CCDC185: variants seen among roughly 807,000 people sequenced by gnomAD.
The protein encoded by CCDC185 is coiled-coil domain containing 185.
For synonymous variants in CCDC185, 381 were observed against 348.1 expected (o/e 1.09, Z -1.05); for missense variants, 982 against 825.3 (o/e 1.19, Z -2.33).
chr1:223,393,590 G>A lies in CCDC185; in HGVS notation c.115G>A (p.Asp39Asn). Residue 39 changes from aspartate (D) to asparagine (N), a missense_variant, in exon 1 of 1, where the codon GAC becomes AAC. Transcript: ENST00000366875. The surrounding 1 kb of genome is among the most constrained non-coding windows in gnomAD (Gnocchi z 4.8). ...QRLGGQRSGADSTACSRAGTP... is the reference protein window; with the variant it reads ...QRLGGQRSGANSTACSRAGTP... ...GCTGGGCGGGCAGAGGTCCGGAGCC[G>A]ACTCCACCGCGTGCTCCCGGGCCGG... The A allele has an allele frequency of 3.9e-6, 6 of 1,531,558 alleles. No individual in the cohort carries two copies. Among genetic ancestry groups the A allele is most frequent in the South Asian group, 1.3e-5 (1 of 79,524 alleles). 94.9% of individuals were successfully genotyped at this position (1,531,558 alleles called of 1,614,324 possible). A position where few individuals can be genotyped will look rare whatever the true frequency, so the allele number is the denominator to read the frequency against.
chr1:223,393,952 C>G lies in CCDC185; in HGVS notation c.477C>G (p.Gly159=). The change falls in exon 1 of 1, where the codon GGC becomes GGG. Residue 159 remains glycine, a synonymous_variant. Coordinates refer to ENST00000366875, the MANE Select transcript of CCDC185 (RefSeq NM_152610.3). The surrounding 1 kb of genome is among the most constrained non-coding windows in gnomAD (Gnocchi z 4.8). Reference sequence around the variant, plus strand: ...GAGGAGCTGGCACTCCCCTGAGTGGCACATTCAGGGTAGAAAAGGCACAGG... The same window carrying G: ...GAGGAGCTGGCACTCCCCTGAGTGGGACATTCAGGGTAGAAAAGGCACAGG... The part of the protein sequence containing the change: ...CPGGAGTPLS[G]TFRVEKAQGG... 11 of 1,613,716 alleles carry G rather than the reference C, an allele frequency of 6.8e-6. No individual in the cohort carries two copies. Among genetic ancestry groups the G allele is most frequent in the South Asian group, 1.1e-5 (1 of 91,022 alleles).
Position 223,394,824 on chromosome 1 carries a change from T to G in CCDC185, c.1349T>G (p.Leu450Arg), listed in dbSNP as rs747778021. The part of the protein sequence containing the change: ...QAKAEELLRQ[L>R]SLEQSFQRSQ... Reference sequence around the variant, plus strand: ...AAGGCTGAGGAGCTCCTTAGGCAGCTGTCCCTGGAACAAAGTTTCCAGCGG... The same window carrying G: ...AAGGCTGAGGAGCTCCTTAGGCAGCGGTCCCTGGAACAAAGTTTCCAGCGG... Residue 450 changes from leucine to arginine, a missense_variant, in exon 1 of 1, where the codon CTG becomes CGG. Coordinates refer to ENST00000366875, the MANE Select transcript of CCDC185 (RefSeq NM_152610.3). 1.9e-5 allele frequency: 31 copies of G among 1,613,728 alleles called. No homozygotes were observed. The South Asian group carries it at 3.3e-4, about 17-fold the overall frequency.
At position 223,394,669 on chromosome 1, in the gene CCDC185, G is replaced by A. The variant is rs763243788; in HGVS notation, c.1194G>A (p.Gln398=). ...GGGAGCAGCACAGCCTGCAGCTGCA[G>A]AGGAGGCTGGTGGAAGCCTGTCGCA... ...NLREQHSLQL[Q]RRLVEACRKR... The change falls in exon 1 of 1, where the codon CAG becomes CAA. Residue 398 remains glutamine (Q), a synonymous_variant. Coordinates refer to ENST00000366875, the MANE Select transcript of CCDC185 (RefSeq NM_152610.3). 1.9e-6 allele frequency: 3 copies of A among 1,613,068 alleles called. No individual in the cohort carries two copies. In the South Asian group the frequency reaches 3.3e-5, roughly 18 times the overall value.
Position 223,394,051 on chromosome 1 carries a change from G to T in CCDC185, c.576G>T (p.Arg192=). 6.2e-7 allele frequency: 1 copy of T among 1,614,174 alleles called. No individual in the cohort carries two copies. Among genetic ancestry groups the T allele is most frequent in the Non-Finnish European group, 8.5e-7 (1 of 1,180,048 alleles). ...RWSPSSVPSE[R]SSVPSQKFKR... ...CCCCTTCCTCAGTTCCCTCGGAGCGGTCTTCTGTGCCCTCGCAAAAGTTCA... is the reference window on the plus strand; with the variant it reads ...CCCCTTCCTCAGTTCCCTCGGAGCGTTCTTCTGTGCCCTCGCAAAAGTTCA... The change falls in exon 1 of 1, where the codon CGG becomes CGT. Residue 192 remains arginine (R), a synonymous_variant. Coordinates refer to ENST00000366875, the MANE Select transcript of CCDC185 (RefSeq NM_152610.3).
chr1:223,395,073 G>C lies in CCDC185; in HGVS notation c.1598G>C (p.Arg533Pro), dbSNP rs374524825. The change falls in exon 1 of 1, where the codon CGG becomes CCG. Residue 533 changes from arginine to proline, a missense_variant. By Grantham distance (103) the Arg-to-Pro change is moderately radical (BLOSUM62 -2). Coordinates refer to ENST00000366875, the MANE Select transcript of CCDC185 (RefSeq NM_152610.3). Reference sequence around the variant, plus strand: ...ACTAGGGACAAGGTGCAGCACCTCCGGGAGCTCAACCACCTGAGGGAGAAA... The same window carrying C: ...ACTAGGGACAAGGTGCAGCACCTCCCGGAGCTCAACCACCTGAGGGAGAAA... ...KTTRDKVQHLRELNHLREKNH... is the reference protein window; with the variant it reads ...KTTRDKVQHLPELNHLREKNH... 3 of 1,614,044 alleles carry C rather than the reference G, an allele frequency of 1.9e-6. No individual in the cohort carries two copies. The highest frequency in any genetic ancestry group is 2.5e-6 in the Non-Finnish European group (3 of 1,180,036).
In CCDC185 at chr1:223,394,253, G is replaced by A; in HGVS notation, c.778G>A (p.Val260Met). The change falls in exon 1 of 1, where the codon GTG becomes ATG. Residue 260 changes from valine to methionine, a missense_variant. Physicochemically the swap from Val to Met is conservative, Grantham distance 21. Coordinates refer to ENST00000366875, the MANE Select transcript of CCDC185 (RefSeq NM_152610.3). ...GGTGTCCTCCCAGGACCAGCAGATT[G>A]TGGCCCTGGTGCTGACCCGTCTCAA... ...VVVSSQDQQIVALVLTRLKKA... is the reference protein window; with the variant it reads ...VVVSSQDQQIMALVLTRLKKA... 6.2e-7 allele frequency: 1 copy of A among 1,613,906 alleles called. No homozygotes were observed. Among genetic ancestry groups the A allele is most frequent in the Middle Eastern group, 1.6e-4 (1 of 6,062 alleles).
Position 223,394,431 on chromosome 1 carries a change from G to A in CCDC185, c.956G>A (p.Arg319His), listed in dbSNP as rs753568204. ...SQEQWQEKEQ[R>H]KTLQSPEQRG... is the part of the protein sequence containing the mutation. The stretch of plus-strand genomic sequence containing the variant: ...GAGCAGTGGCAGGAGAAGGAGCAGC[G>A]CAAGACCCTCCAGAGCCCTGAGCAG... Residue 319 changes from arginine to histidine, a missense_variant, in exon 1 of 1, where the codon CGC becomes CAC. Arg to His is a conservative substitution (Grantham distance 29). Coordinates refer to ENST00000366875, the MANE Select transcript of CCDC185 (RefSeq NM_152610.3). 127 of 1,567,634 alleles carry A rather than the reference G, an allele frequency of 8.1e-5. No individual in the cohort carries two copies. The highest frequency in any genetic ancestry group is 5.1e-4 in the Admixed American group (27 of 52,464).
Position 223,393,832 on chromosome 1 carries a change from G to T in CCDC185, c.357G>T (p.Pro119=). 2.5e-6 allele frequency: 4 copies of T among 1,596,508 alleles called. No homozygotes were observed. Among genetic ancestry groups the T allele is most frequent in the Non-Finnish European group, 3.4e-6 (4 of 1,172,700 alleles). Residue 119 remains proline, a synonymous_variant, in exon 1 of 1, where the codon CCG becomes CCT. Transcript: ENST00000366875. This position sits in a 1 kb window ranked among gnomAD's most constrained non-coding sequence, Gnocchi z 4.8. ...GAGAGACAGGAACCAAGCCCCGCCC[G>T]GCTTGGCAGCCGCAGACCCAGCTGC... ...AWGETGTKPR[P]AWQPQTQLPP...
In CCDC185 at chr1:223,394,887, A is replaced by G; in HGVS notation, c.1412A>G (p.Gln471Arg). The G allele has an allele frequency of 1.2e-6, 2 of 1,614,160 alleles. No homozygotes were observed. Among genetic ancestry groups the G allele is most frequent in the Non-Finnish European group, 8.5e-7 (1 of 1,180,026 alleles). The change falls in exon 1 of 1, where the codon CAA becomes CGA. Residue 471 changes from glutamine to arginine, a missense_variant. By Grantham distance (43) the Gln-to-Arg change is conservative. Coordinates refer to ENST00000366875, the MANE Select transcript of CCDC185 (RefSeq NM_152610.3). ...EIHQGLRKER[Q>R]RELREKAQKE... Reference sequence around the variant, plus strand: ...CACCAGGGCCTGAGGAAGGAGCGGCAACGCGAGCTGAGGGAGAAGGCCCAG... The same window carrying G: ...CACCAGGGCCTGAGGAAGGAGCGGCGACGCGAGCTGAGGGAGAAGGCCCAG...
rs186875984 is a variant in CCDC185 at position 223,394,374 on chromosome 1, G to A, written c.899G>A (p.Arg300Gln). ...SDQKVQMTLE[R>Q]ERRLLLRQSQ... ...CAGAAGGTCCAGATGACCCTGGAGCGGGAGCGCCGGCTGCTGCTGCGGCAG... is the reference window on the plus strand; with the variant it reads ...CAGAAGGTCCAGATGACCCTGGAGCAGGAGCGCCGGCTGCTGCTGCGGCAG... The change falls in exon 1 of 1, where the codon CGG becomes CAG. Residue 300 changes from arginine to glutamine, a missense_variant. Coordinates refer to ENST00000366875, the MANE Select transcript of CCDC185 (RefSeq NM_152610.3). 216 of 1,574,728 alleles carry A rather than the reference G, an allele frequency of 1.4e-4. No homozygotes were observed. The highest frequency in any genetic ancestry group is 1.5e-5 in the Non-Finnish European group (17 of 1,160,570).
rs373155319 is a variant in CCDC185 at position 223,394,634 on chromosome 1, C to G, written c.1159C>G (p.Arg387Gly). Residue 387 changes from arginine (R) to glycine (G), a missense_variant, in exon 1 of 1, where the codon CGG (arginine) becomes GGG (glycine). Transcript: ENST00000366875. ...CCTGCGGGAGCAGGAGAAGATGCTACGGAACCTCCGGGAGCAGCACAGCCT... is the reference window on the plus strand; with the variant it reads ...CCTGCGGGAGCAGGAGAAGATGCTAGGGAACCTCCGGGAGCAGCACAGCCT... The part of the protein sequence containing the change: ...RRLREQEKML[R>G]NLREQHSLQL... The G allele has an allele frequency of 1.2e-5, 19 of 1,613,044 alleles. No homozygotes were observed. Among genetic ancestry groups the G allele is most frequent in the African/African-American group, 9.3e-5 (7 of 74,912 alleles).
In CCDC185 at chr1:223,394,240, G is replaced by C. The variant is rs751916392; in HGVS notation, c.765G>C (p.Gln255His). ...TGGAAGAGGTGGTGGTGTCCTCCCA[G>C]GACCAGCAGATTGTGGCCCTGGTGC... ...SKLEEVVVSS[Q>H]DQQIVALVLT... The change falls in exon 1 of 1, where the codon CAG (glutamine) becomes CAC (histidine). Residue 255 changes from glutamine (Q) to histidine (H), a missense_variant. By Grantham distance (24) the Gln-to-His change is conservative. Coordinates refer to ENST00000366875, the MANE Select transcript of CCDC185 (RefSeq NM_152610.3). The C allele has an allele frequency of 9.3e-6, 15 of 1,613,826 alleles. No homozygotes were observed. The highest frequency in any genetic ancestry group is 1.3e-5 in the Non-Finnish European group (15 of 1,180,046).
Position 223,393,422 on chromosome 1 carries a change from C to T in CCDC185, c.-54C>T, listed in dbSNP as rs1322074316. 7.1e-7 allele frequency: 1 copy of T among 1,403,324 alleles called. No homozygotes were observed. The highest frequency in any genetic ancestry group is 2.9e-5 in the East Asian group (1 of 34,906). 86.9% of individuals were successfully genotyped at this position (1,403,324 alleles called of 1,614,324 possible). On this transcript the variant is annotated 5_prime_UTR_variant, in exon 1 of 1. Coordinates refer to ENST00000366875, the MANE Select transcript of CCDC185 (RefSeq NM_152610.3). The surrounding 1 kb of genome is among the most constrained non-coding windows in gnomAD (Gnocchi z 4.8). ...GGGGCAGGGCGGGTGTCTGCAGCGT[C>T]CTCGGGAGGTCTCAGGCCCCTTGGG...
chr1:223,393,993 C>T lies in CCDC185; in HGVS notation c.518C>T (p.Ala173Val). Residue 173 changes from alanine to valine, a missense_variant, in exon 1 of 1, where the codon GCA (alanine) becomes GTA (valine). By Grantham distance (64) the Ala-to-Val change is moderately conservative. Coordinates refer to ENST00000366875, the MANE Select transcript of CCDC185 (RefSeq NM_152610.3). The surrounding 1 kb of genome is among the most constrained non-coding windows in gnomAD (Gnocchi z 4.8). Reference sequence around the variant, plus strand: ...AAGGCACAGGGTGGAGACCAGTGGGCAGTGCCACTCGGCAGACATCTAGGT... The same window carrying T: ...AAGGCACAGGGTGGAGACCAGTGGGTAGTGCCACTCGGCAGACATCTAGGT... The part of the protein sequence containing the change: ...VEKAQGGDQW[A>V]VPLGRHLGRW... 6.2e-7 allele frequency: 1 copy of T among 1,614,100 alleles called. No individual in the cohort carries two copies. Among genetic ancestry groups the T allele is most frequent in the Non-Finnish European group, 8.5e-7 (1 of 1,180,026 alleles).
In CCDC185 at chr1:223,394,061, C is replaced by T. The variant is rs1339102428; in HGVS notation, c.586C>T (p.Pro196Ser). The change falls in exon 1 of 1, where the codon CCC (proline) becomes TCC (serine). Residue 196 changes from proline (P) to serine (S), a missense_variant. Physicochemically the swap from Pro to Ser is moderately conservative, Grantham distance 74. Transcript: ENST00000366875. ...SSVPSERSSV[P>S]SQKFKRHSAC... ...AGTTCCCTCGGAGCGGTCTTCTGTG[C>T]CCTCGCAAAAGTTCAAGAGGCACTC... 3 of 1,614,052 alleles carry T rather than the reference C, an allele frequency of 1.9e-6. No individual in the cohort carries two copies. Among genetic ancestry groups the T allele is most frequent in the South Asian group, 1.1e-5 (1 of 91,088 alleles).
At position 223,395,164 on chromosome 1, in the gene CCDC185, G is replaced by C; in HGVS notation, c.1689G>C (p.Glu563Asp). ...AGTGTCACATTGAGGGCATCAAGGAGGCCATTAAGAAAAAGGAGCAGAGGG... is the reference window on the plus strand; with the variant it reads ...AGTGTCACATTGAGGGCATCAAGGACGCCATTAAGAAAAAGGAGCAGAGGG... Reference protein sequence around the residue: ...EEKCHIEGIKEAIKKKEQRVQ... With the variant: ...EEKCHIEGIKDAIKKKEQRVQ... Residue 563 changes from glutamate (E) to aspartate (D), a missense_variant, in exon 1 of 1, where the codon GAG becomes GAC. Coordinates refer to ENST00000366875, the MANE Select transcript of CCDC185 (RefSeq NM_152610.3). 5 of 1,614,080 alleles carry C rather than the reference G, an allele frequency of 3.1e-6. No individual in the cohort carries two copies. The highest frequency in any genetic ancestry group is 2.2e-5 in the East Asian group (1 of 44,872).
In CCDC185 at chr1:223,395,164, G is replaced by A; in HGVS notation, c.1689G>A (p.Glu563=). 3 of 1,614,080 alleles carry A rather than the reference G, an allele frequency of 1.9e-6. No homozygotes were observed. Among genetic ancestry groups the A allele is most frequent in the Non-Finnish European group, 2.5e-6 (3 of 1,180,018 alleles). Residue 563 remains glutamate (E), a synonymous_variant, in exon 1 of 1, where the codon GAG becomes GAA. Transcript: ENST00000366875. The part of the protein sequence containing the change: ...EEKCHIEGIK[E]AIKKKEQRVQ... ...AGTGTCACATTGAGGGCATCAAGGA[G>A]GCCATTAAGAAAAAGGAGCAGAGGG...
chr1:223,394,334 C>T lies in CCDC185; in HGVS notation c.859C>T (p.Leu287=), dbSNP rs761569431. The T allele has an allele frequency of 6.3e-7, 1 of 1,599,386 alleles. No individual in the cohort carries two copies. The highest frequency in any genetic ancestry group is 2.3e-5 in the East Asian group (1 of 44,108). ...QQQAAKAWEE[L]KRSDQKVQMT... Reference sequence around the variant, plus strand: ...GCAGGCGGCTAAGGCCTGGGAGGAGCTGAAGCGCTCGGATCAGAAGGTCCA... The same window carrying T: ...GCAGGCGGCTAAGGCCTGGGAGGAGTTGAAGCGCTCGGATCAGAAGGTCCA... The change falls in exon 1 of 1, where the codon CTG becomes TTG. Residue 287 remains leucine, a synonymous_variant. Coordinates refer to ENST00000366875, the MANE Select transcript of CCDC185 (RefSeq NM_152610.3).
In CCDC185 at chr1:223,394,512, G is replaced by T; in HGVS notation, c.1037G>T (p.Trp346Leu). The T allele has an allele frequency of 6.3e-7, 1 of 1,591,374 alleles. No individual in the cohort carries two copies. Residue 346 changes from tryptophan (W) to leucine (L), a missense_variant, in exon 1 of 1, where the codon TGG becomes TTG. By Grantham distance (61) the Trp-to-Leu change is moderately conservative. Coordinates refer to ENST00000366875, the MANE Select transcript of CCDC185 (RefSeq NM_152610.3). ...AACGTGCCCCCGGGGGAAAGCCGGT[G>T]GAAGGAGCAACCAGAGGACCAGGAG... ...RKNVPPGESR[W>L]KEQPEDQESP... is the part of the protein sequence containing the mutation.
Sources: allele counts gnomAD v4.1 joint callset, GRCh38; gene constraint gnomAD v4.1.1; non-coding constraint Gnocchi (gnomAD v3.1); transcripts MANE v1.5; gene names NCBI Gene and HGNC (gene_info 2026-07-23, HGNC 2026-07-21).